CFAP54: variants seen among roughly 807,000 people sequenced by gnomAD.
CFAP54 encodes the protein cilia and flagella associated protein 54.
In CFAP54, 290 loss-of-function variants were observed where a neutral mutation model predicts 370.4. The observed-to-expected ratio is 0.78, with a 90% CI of 0.71 to 0.86. CFAP54 has a LOEUF of 0.86. Ranked by LOEUF, CFAP54 falls within the 40% of genes least tolerant of loss-of-function variation. CFAP54 has a pLI of 0.00. For missense variants in CFAP54, 3,399 were observed against 3,528.7 expected (o/e 0.96, Z 0.93); for synonymous variants, 1,206 against 1,236.5 (o/e 0.98, Z 0.52).
intron 33 of CFAP54, among the ~76,000 whole-genome samples, chr12:96,644,909 TTAAG>T (rs1956772041): frequency 6.6e-6 from 1 of 152,202 alleles, no homozygotes; most frequent in Non-Finnish European, 1.5e-5. Context: ...GGTTTATTTC[TTAAG>T]TTTTAATCTC....
chr12:96,533,982 T>C lies in CFAP54; in HGVS notation c.1539+9T>C. Reference sequence around the variant, plus strand: ...TTATTTATTTTCTCCAGGTAATATATGCAAAATTATCCTCCTGGTTTTTTT... The same window carrying C: ...TTATTTATTTTCTCCAGGTAATATACGCAAAATTATCCTCCTGGTTTTTTT... On this transcript the variant is annotated intron_variant, in intron 10 of 67. Coordinates refer to ENST00000524981, the MANE Select transcript of CFAP54 (RefSeq NM_001306084.2). 6.7e-7 allele frequency: 1 copy of C among 1,500,004 alleles called. No homozygotes were observed. Among genetic ancestry groups the C allele is most frequent in the Non-Finnish European group, 8.8e-7 (1 of 1,134,034 alleles). The allele number at this position is 1,500,004 out of a possible 1,614,324, so 92.9% of individuals were successfully genotyped here.
chr12:96,572,206 G>C (rs943708550), intron 19 of CFAP54, among the ~76,000 whole-genome samples: 3 of 152,180 alleles, frequency 2.0e-5, no homozygotes, highest in Non-Finnish European at 4.4e-5. Flanking sequence ...TGTTTAGAGG[G>C]TGTGGACAGG....
At chr12:96,600,301 A>G (rs1355614066) in intron 26 of CFAP54, among the ~76,000 whole-genome samples, 2 of 152,042 alleles carry the variant, frequency 1.3e-5, no homozygotes, top group Non-Finnish European at 2.9e-5. Context: ...CAAAGATCAG[A>G]TGGTTGTAGA....
chr12:96,693,714 C>A lies in CFAP54; in HGVS notation c.6265-8C>A. On this transcript the variant is annotated splice_polypyrimidine_tract_variant and splice_region_variant and intron_variant, in intron 44 of 67. Transcript: ENST00000524981. ...ATTTTGAAACAAAGAGTGTTTTTCT[C>A]CTGATAGGTTCTGCCTCTCCTTGCA... 2 of 1,534,268 alleles carry A rather than the reference C, an allele frequency of 1.3e-6. No homozygotes were observed. The highest frequency in any genetic ancestry group is 1.8e-6 in the Non-Finnish European group (2 of 1,121,484).
At chr12:96,646,102 G>T (rs1055870062) in intron 33 of CFAP54, 76 of 152,208 alleles carry the variant, frequency 5.0e-4, no homozygotes, top group African/African-American at 1.7e-3. Context: ...TGACAAATGG[G>T]ATCTAATTAA....
chr12:96,692,666 G>T (rs1289373523), intron 44 of CFAP54, among the ~76,000 whole-genome samples: 2 of 152,182 alleles, frequency 1.3e-5, no homozygotes, highest in African/African-American at 4.8e-5. Context: ...AAAAGCTGTT[G>T]CTATTAGCAG....
At chr12:96,678,548 T>C (rs1957237069) in intron 39 of CFAP54, among the ~76,000 whole-genome samples, 1 of 152,126 alleles carries the variant, frequency 6.6e-6, no homozygotes, top group Non-Finnish European at 1.5e-5. Flanking sequence ...TGCCTCACCC[T>C]GCCTAGCTAT....
chr12:96,517,376 A>G (rs1343028109), intron 5 of CFAP54, among the ~76,000 whole-genome samples: 2 of 152,226 alleles, frequency 1.3e-5, no homozygotes, highest in Non-Finnish European at 2.9e-5. Context: ...CAAATCAAAT[A>G]CAATGTGAAC....
chr12:96,774,486 G>A (rs867215471), intron 60 of CFAP54, among the ~76,000 whole-genome samples: 11 of 151,842 alleles, frequency 7.2e-5, no homozygotes, highest in East Asian at 3.9e-4. Context: ...TTTTCTTTCC[G>A]TTCTAATTGA....
intron 62 of CFAP54, among the ~76,000 whole-genome samples, chr12:96,787,906 GTT>G (rs560742952): frequency 7.1e-6 from 1 of 141,596 alleles, no homozygotes. Flanking sequence ...AAAAAGTGAG[GTT>G]TTTTTTTTTT....
At chr12:96,610,266 C>A (rs1592880783) in intron 26 of CFAP54, among the ~76,000 whole-genome samples, 1 of 152,188 alleles carries the variant, frequency 6.6e-6, no homozygotes, top group East Asian at 1.9e-4. Context: ...GACTCTTCAT[C>A]TGAAAGTAAA....
At chr12:96,522,253 A>T (rs566568484) in intron 8 of CFAP54, 64 bp downstream of exon 8, 6 of 1,099,106 alleles carry the variant, frequency 5.5e-6, no homozygotes, top group Non-Finnish European at 7.7e-6. Flanking sequence ...TTATGCTCCT[A>T]TGTCTTTCAA....
At chr12:96,759,966 T>G (rs929022274) in intron 58 of CFAP54, among the ~76,000 whole-genome samples, 1 of 152,256 alleles carries the variant, frequency 6.6e-6, no homozygotes, top group Non-Finnish European at 1.5e-5. Context: ...TCACTATTTC[T>G]TAAACATTCA....
intron 38 of CFAP54, among the ~76,000 whole-genome samples, chr12:96,659,086 C>G (rs1956959089): frequency 6.6e-6 from 1 of 152,156 alleles, no homozygotes; most frequent in African/African-American, 2.4e-5. Context: ...ATGGCACGGT[C>G]TCGGCTCACT....
At chr12:96,656,533 C>T (rs1268715366) in intron 36 of CFAP54, among the ~76,000 whole-genome samples, 2 of 152,178 alleles carry the variant, frequency 1.3e-5, no homozygotes, top group Non-Finnish European at 2.9e-5. Flanking sequence ...AGGCATGCGC[C>T]ACCACACCCA....
chr12:96,615,105 C>T (rs1259412960), intron 26 of CFAP54, among the ~76,000 whole-genome samples: 1 of 152,202 alleles, frequency 6.6e-6, no homozygotes, highest in Non-Finnish European at 1.5e-5. Flanking sequence ...TACCTGACTT[C>T]AAACTCTACT....
rs1192248901 is a variant in CFAP54, at chr12:96,792,420, C to T, written c.8771C>T (p.Thr2924Met). 15 of 1,535,712 alleles carry T rather than the reference C, an allele frequency of 9.8e-6. No individual in the cohort carries two copies. The highest frequency in any genetic ancestry group is 2.4e-5 in the East Asian group (1 of 40,914). ...CVDITPIEMV[T>M]QASNKELCFQ... ...GACATAACGCCAATAGAAATGGTAA[C>T]GCAAGCTTCAAACAAAGAACTTTGC... The change falls in exon 63 of 68, where the codon ACG (threonine) becomes ATG (methionine). Residue 2924 changes from threonine to methionine, a missense_variant. Physicochemically the swap from Thr to Met is moderately conservative, Grantham distance 81 (BLOSUM62 -1). Transcript: ENST00000524981.
At chr12:96,522,517 AC>A (rs1434362932) in intron 8 of CFAP54, among the ~76,000 whole-genome samples, 5 of 152,184 alleles carry the variant, frequency 3.3e-5, no homozygotes, top group Non-Finnish European at 5.9e-5. Context: ...GTCTTTGACC[AC>A]TTAGGGTTAG....
intron 60 of CFAP54, among the ~76,000 whole-genome samples, chr12:96,780,976 A>G (rs1426860875): frequency 6.6e-6 from 1 of 152,184 alleles, no homozygotes; most frequent in African/African-American, 2.4e-5. Context: ...GAACTTTTTT[A>G]AAACAAAGTT....
Sources: allele counts gnomAD v4.1 joint callset (sites outside exome capture counted in the v4.1 genomes callset), GRCh38; gene constraint gnomAD v4.1.1; transcripts MANE v1.5; gene names NCBI Gene and HGNC (gene_info 2026-07-23, HGNC 2026-07-21).